The following HDAC9 variants were observed in gnomAD, a reference collection of about 807,000 sequenced individuals.
The protein encoded by HDAC9 is MEF-2 interacting transcription repressor (MITR) protein.
Under a neutral mutation model 139.4 loss-of-function variants are expected in HDAC9, and 41 were observed. That is an observed-to-expected ratio of 0.29 (90% CI 0.23 to 0.38). HDAC9 has a LOEUF of 0.38. Ranked by LOEUF, HDAC9 falls within the 10% of genes least tolerant of loss-of-function variation. The pLI is 1.00. For synonymous variants in HDAC9, 517 were observed against 476.2 expected (o/e 1.09, Z -1.12); for missense variants, 1,147 against 1,297.0 (o/e 0.88, Z 1.78).
In HDAC9 at chr7:18,648,621, C is replaced by G. The variant is rs760257567; in HGVS notation, c.1405C>G (p.Gln469Glu). ...CACGTTGGCTCAGCTGGTCATTCAA[C>G]AGCAACACCAGCAATTCTTGGAGAA... is the stretch of plus-strand genomic sequence containing the variant. ...QSTLAQLVIQ[Q>E]QHQQFLEKQK... The change falls in exon 11 of 26, where the codon CAG becomes GAG. Residue 469 changes from glutamine to glutamate, a missense_variant. Coordinates refer to ENST00000686413, the MANE Select transcript of HDAC9 (RefSeq NM_178425.4). 6.2e-7 allele frequency: 1 copy of G among 1,613,472 alleles called. No individual in the cohort carries two copies. The highest frequency in any genetic ancestry group is 2.2e-5 in the East Asian group (1 of 44,708).
intron 23 of HDAC9, among the ~76,000 whole-genome samples, chr7:18,941,365 C>A (rs1165041097): frequency 6.6e-6 from 1 of 152,100 alleles, no homozygotes; most frequent in African/African-American, 2.4e-5. Context: ...GGTTGATAAT[C>A]TTTTAAAGAT....
At position 18,998,901 on chromosome 7, in the gene HDAC9, A is replaced by C. The variant is rs1235739284; in HGVS notation, c.*2839A>C. ...AAACGTAGGTATAAAAAGAAGGCTT[A>C]AAAATTAATTTTCCCAATTGTATAA... On this transcript the variant is annotated 3_prime_UTR_variant, in exon 26 of 26. Transcript: ENST00000686413. 1 of 152,216 alleles carries C rather than the reference A, an allele frequency of 6.6e-6. No individual in the cohort carries two copies. The highest frequency in any genetic ancestry group is 1.5e-5 in the Non-Finnish European group (1 of 68,030). The allele number at this position is 152,216 out of a possible 1,614,324, so 9.4% of individuals were successfully genotyped here. A position where few individuals can be genotyped will look rare whatever the true frequency, so the allele number is the denominator to read the frequency against.
At chr7:18,162,419 C>G (rs965202867) in intron 2 of HDAC9, 36 of 1,367,712 alleles carry the variant, frequency 2.6e-5, no homozygotes, top group Non-Finnish European at 3.4e-5. Context: ...TTGTTTCAAA[C>G]CAAGTAATTT....
chr7:18,877,509 A>G (rs1196512458), intron 22 of HDAC9, among the ~76,000 whole-genome samples: 2 of 152,214 alleles, frequency 1.3e-5, no homozygotes, highest in Non-Finnish European at 2.9e-5. Flanking sequence ...AGCAAAACTC[A>G]TTCCTGCTCC....
chr7:18,152,690 C>G (rs1351010971), intron 1 of HDAC9, among the ~76,000 whole-genome samples: 1 of 152,146 alleles, frequency 6.6e-6, no homozygotes, highest in Non-Finnish European at 1.5e-5. Context: ...TCTGAACATT[C>G]ATAGCAAGCA....
chr7:18,572,409 C>T (rs945622209), intron 2 of HDAC9, among the ~76,000 whole-genome samples: 1 of 150,250 alleles, frequency 6.7e-6, no homozygotes, highest in African/African-American at 2.5e-5. Flanking sequence ...CATTATGAAA[C>T]CCTATATTTG....
At chr7:18,148,647 A>T (rs1380377994) in intron 1 of HDAC9, among the ~76,000 whole-genome samples, 4 of 151,960 alleles carry the variant, frequency 2.6e-5, no homozygotes, top group African/African-American at 7.3e-5. Flanking sequence ...TTTAGTAGAG[A>T]TGGGATTTCA....
intron 1 of HDAC9, among the ~76,000 whole-genome samples, chr7:18,408,845 A>G (rs565305457): frequency 1.3e-5 from 2 of 152,332 alleles, no homozygotes; most frequent in African/African-American, 2.4e-5. Context: ...GCTCCTTGGT[A>G]AAAAGAATGC....
intron 1 of HDAC9, among the ~76,000 whole-genome samples, chr7:18,486,252 A>G (rs1045001503): frequency 3.9e-5 from 6 of 152,162 alleles, no homozygotes; most frequent in African/African-American, 1.4e-4. Context: ...AAACTATACC[A>G]GTTATATAGT....
chr7:18,432,882 C>A (rs1010350893), intron 1 of HDAC9, among the ~76,000 whole-genome samples: 1 of 150,704 alleles, frequency 6.6e-6, no homozygotes, highest in Admixed American at 6.6e-5. Flanking sequence ...ACCCGGGAGG[C>A]GGAGCTTGCA....
intron 11 of HDAC9, among the ~76,000 whole-genome samples, chr7:18,649,521 G>A (rs1788587441): frequency 6.6e-6 from 1 of 152,082 alleles, no homozygotes; most frequent in African/African-American, 2.4e-5. Flanking sequence ...ATGTTACAGA[G>A]GCATGAGAGG....
At chr7:18,534,265 C>A (rs1334785191) in intron 2 of HDAC9, among the ~76,000 whole-genome samples, 2 of 152,136 alleles carry the variant, frequency 1.3e-5, no homozygotes, top group African/African-American at 4.8e-5. Context: ...TAGAAAGAAT[C>A]CTTGCATGTG....
intron 22 of HDAC9, among the ~76,000 whole-genome samples, chr7:18,905,219 A>T (rs187495517): frequency 1.4e-4 from 21 of 152,316 alleles, no homozygotes; most frequent in African/African-American, 5.1e-4. Context: ...TTAACCACTC[A>T]TGACACTGTC....
chr7:18,794,674 G>T (rs1370623907), intron 17 of HDAC9, among the ~76,000 whole-genome samples: 1 of 152,190 alleles, frequency 6.6e-6, no homozygotes, highest in Admixed American at 6.5e-5. Context: ...TCAGCCTGTG[G>T]AGAGGTTTTG....
chr7:18,939,350 C>G (rs1781866488), intron 23 of HDAC9, among the ~76,000 whole-genome samples: 1 of 151,692 alleles, frequency 6.6e-6, no homozygotes, highest in Non-Finnish European at 1.5e-5. Flanking sequence ...TGTGTCAGGT[C>G]TATCAGTATA....
At chr7:18,181,486 T>C (rs1263943737) in intron 2 of HDAC9, among the ~76,000 whole-genome samples, 12 of 152,242 alleles carry the variant, frequency 7.9e-5, no homozygotes, top group Admixed American at 7.9e-4. Context: ...CATGCCTCAG[T>C]ACTTGTAAAT....
chr7:18,230,734 C>T lies in HDAC9; in HGVS notation c.25+68385C>T, dbSNP rs145029523. Among the ~76,000 whole-genome samples the T allele has an allele frequency of 1.8e-3, 272 of 152,138 alleles. 3 individuals are homozygous for T. The highest frequency in any genetic ancestry group is 5.4e-3 in the African/African-American group (223 of 41,504). On this transcript the variant is annotated intron_variant, in intron 2 of 12. Coordinates refer to the HDAC9 transcript ENST00000417496. ...TCCTTTTTTGGAAGTAGAGACAGTA[C>T]GTAAGTAAACAAAACTCTTAAAAGT...
At chr7:18,930,427 T>C (rs1341387910) in intron 22 of HDAC9, among the ~76,000 whole-genome samples, 1 of 151,936 alleles carries the variant, frequency 6.6e-6, no homozygotes, top group Admixed American at 6.6e-5. Flanking sequence ...CCTACTAAAA[T>C]TGTTATATAT....
intron 17 of HDAC9, among the ~76,000 whole-genome samples, chr7:18,806,845 T>C (rs896160600): frequency 1.3e-5 from 2 of 152,172 alleles, no homozygotes; most frequent in African/African-American, 4.8e-5. Flanking sequence ...TATCATAATG[T>C]GCTTTCAATT....
Sources: gnomAD v4.1 joint callset for allele counts (sites outside exome capture counted in the v4.1 genomes callset) on GRCh38, gnomAD v4.1.1 for gene constraint, MANE v1.5 for transcripts, NCBI Gene and HGNC (gene_info 2026-07-23, HGNC 2026-07-21) for gene names.